Variants in COL4A3 observed in about 807,000 individuals in gnomAD.
COL4A3 encodes collagen type IV alpha 3 chain.
COL4A3 carries 135 observed loss-of-function variants against 217.4 expected under a neutral mutation model. The ratio of observed to expected loss-of-function variants is 0.62; its 90% CI spans 0.54 to 0.72. The LOEUF is 0.72. COL4A3 is among the 30% of genes least tolerant of loss of function. COL4A3 has a pLI of 0.00. For synonymous variants in COL4A3, 690 were observed against 736.3 expected (o/e 0.94, Z 1.02); for missense variants, 1,868 against 2,119.9 (o/e 0.88, Z 2.33).
intron 32 of COL4A3, among the ~76,000 whole-genome samples, chr2:227,283,515 G>T (rs1054799552): frequency 6.6e-6 from 1 of 152,190 alleles, no homozygotes; most frequent in African/African-American, 2.4e-5. Flanking sequence ...AGGATGGAAT[G>T]CTCCAAAACT....
chr2:227,287,952 A>T (rs1415722753), intron 34 of COL4A3, among the ~76,000 whole-genome samples: 1 of 152,264 alleles, frequency 6.6e-6, no homozygotes, highest in East Asian at 1.9e-4. Context: ...ATGTGAATGA[A>T]TAAGTACATA....
At chr2:227,202,944 T>C (rs796559596) in intron 1 of COL4A3, among the ~76,000 whole-genome samples, 453 of 34,030 alleles carry the variant, frequency 0.013, 113 homozygotes, top group East Asian at 0.04. Flanking sequence ...TGTATATATG[T>C]GTATATATAC....
chr2:227,172,477 G>A (rs1261136851), intron 1 of COL4A3, among the ~76,000 whole-genome samples: 1 of 151,964 alleles, frequency 6.6e-6, no homozygotes, highest in Non-Finnish European at 1.5e-5. Flanking sequence ...CAGAGAGAGA[G>A]CTACTGCTCT....
intron 51 of COL4A3, among the ~76,000 whole-genome samples, chr2:227,311,568 T>C (rs770688111): frequency 4.6e-5 from 7 of 151,990 alleles, no homozygotes; most frequent in Admixed American, 6.6e-5. Context: ...TTAGTAGAGA[T>C]TGGGTTTCAC....
rs907809726 is a variant in COL4A3, at chr2:227,290,626, G to A, written c.3071-121G>A. On this transcript the variant is annotated intron_variant, in intron 36 of 51. Transcript: ENST00000396578. Reference sequence around the variant, plus strand: ...TAATAATCATCTATTGTAACTACCTGATGCAGTTGCAATTCTGAAAAAGCC... The same window carrying A: ...TAATAATCATCTATTGTAACTACCTAATGCAGTTGCAATTCTGAAAAAGCC... 22 of 798,976 alleles carry A rather than the reference G, an allele frequency of 2.8e-5. No homozygotes were observed. The African/African-American group carries it at 3.6e-4, about 13-fold the overall frequency. The allele number at this position is 798,976 out of a possible 1,614,324, so 49.5% of individuals were successfully genotyped here.
intron 1 of COL4A3, among the ~76,000 whole-genome samples, chr2:227,166,743 T>C (rs1365071213): frequency 6.6e-6 from 1 of 152,192 alleles, no homozygotes; most frequent in Non-Finnish European, 1.5e-5. Context: ...AGAGAAAATA[T>C]GCCAGTAAAA....
chr2:227,302,640 G>A (rs1240613203), intron 43 of COL4A3, among the ~76,000 whole-genome samples: 1 of 126,054 alleles, frequency 7.9e-6, no homozygotes, highest in African/African-American at 3.2e-5. Flanking sequence ...TCATGCCACT[G>A]CACTCCAGTC....
intron 1 of COL4A3, among the ~76,000 whole-genome samples, chr2:227,182,749 T>C (rs1441886883): frequency 6.6e-6 from 1 of 152,176 alleles, no homozygotes; most frequent in Non-Finnish European, 1.5e-5. Flanking sequence ...CCACAATTAT[T>C]GGGGAAAAAT....
At chr2:227,216,458 T>C (rs1346700332) in intron 1 of COL4A3, among the ~76,000 whole-genome samples, 2 of 152,176 alleles carry the variant, frequency 1.3e-5, no homozygotes, top group South Asian at 2.1e-4. Flanking sequence ...AATTTATAAG[T>C]AATTCAATCG....
rs142835184 is a variant in COL4A3 at position 227,193,935 on chromosome 2, TAAG to T, written c.87+29123_87+29125del. Among the ~76,000 whole-genome samples, 123 of 3,310 alleles carry T rather than the reference TAAG, an allele frequency of 0.037. 58 individuals carry two copies. The East Asian group carries it at 0.89, about 24-fold the overall frequency. 2.2% of individuals were successfully genotyped at this position (3,310 alleles called of 152,430 possible). ...AAGGAGAGGAGAAGGAGAAGGGAAA[TAAG>T]GAGAGAGGGAGGGAGGAAGGAAGGA... On this transcript the variant is annotated intron_variant, in intron 1 of 51. Coordinates refer to ENST00000396578, the MANE Select transcript of COL4A3 (RefSeq NM_000091.5).
intron 18 of COL4A3, 32 bp from the exon 19 acceptor site, chr2:227,259,761 C>T: frequency 6.8e-7 from 1 of 1,472,790 alleles, no homozygotes; most frequent in Non-Finnish European, 9.5e-7. Flanking sequence ...AATAGCTATC[C>T]TTTCTCTGTA....
chr2:227,274,533 C>G (rs868611989), intron 26 of COL4A3, among the ~76,000 whole-genome samples: 37 of 150,016 alleles, frequency 2.5e-4, no homozygotes, highest in African/African-American at 8.8e-4. Flanking sequence ...GAATCTTGCT[C>G]TGTCGCCCAG....
At chr2:227,179,128 T>C (rs2065788459) in intron 1 of COL4A3, among the ~76,000 whole-genome samples, 1 of 151,946 alleles carries the variant, frequency 6.6e-6, no homozygotes, top group Non-Finnish European at 1.5e-5. Context: ...ATTTTTGTAT[T>C]TTTTGTAGAC....
intron 1 of COL4A3, among the ~76,000 whole-genome samples, chr2:227,225,709 C>CTTTTTTTTTT (rs71829862): frequency 1.0e-4 from 13 of 126,240 alleles, no homozygotes; most frequent in Non-Finnish European, 1.6e-4. Flanking sequence ...CTTTTTCTTT[C>CTTTTTTTTTT]TTTTTTTTTT....
intron 34 of COL4A3, among the ~76,000 whole-genome samples, chr2:227,285,579 C>T (rs994474224): frequency 2.6e-5 from 4 of 151,886 alleles, no homozygotes; most frequent in Non-Finnish European, 5.9e-5. Context: ...ATAGACACCA[C>T]TTCACTAGAC....
chr2:227,168,092 TTATA>T (rs1392219681), intron 1 of COL4A3, among the ~76,000 whole-genome samples: 1 of 152,246 alleles, frequency 6.6e-6, no homozygotes, highest in East Asian at 1.9e-4. Flanking sequence ...TAGTATCTAG[TTATA>T]TAAAGTATGA....
Position 227,263,816 on chromosome 2 carries a change from G to T in COL4A3, c.1187G>T (p.Trp396Leu). Residue 396 changes from tryptophan (W) to leucine (L), a missense_variant, in exon 21 of 52, where the codon TGG (tryptophan) becomes TTG (leucine). By Grantham distance (61) the Trp-to-Leu change is moderately conservative. Around this residue, in one of 2 missense-constraint regions of COL4A3, gnomAD observed 1,503 missense variants for 1,786.1 expected, o/e 0.84. Coordinates refer to ENST00000396578, the MANE Select transcript of COL4A3 (RefSeq NM_000091.5). ...SRPGLRGAPG[W>L]PGLKGSKGER... ...CCTGGCCTCAGAGGAGCCCCTGGAT[G>T]GCCAGGCCTGAAAGGAAGTAAAGGG... The T allele has an allele frequency of 3.1e-6, 5 of 1,614,068 alleles. No homozygotes were observed. Among genetic ancestry groups the T allele is most frequent in the Non-Finnish European group, 4.2e-6 (5 of 1,179,928 alleles).
At chr2:227,206,234 C>T (rs571780077) in intron 1 of COL4A3, among the ~76,000 whole-genome samples, 49 of 152,190 alleles carry the variant, frequency 3.2e-4, no homozygotes, top group African/African-American at 5.8e-4. Context: ...CCACCACACC[C>T]GGCTAATTTT....
In COL4A3 at chr2:227,311,960, C is replaced by T; in HGVS notation, c.*90C>T. 6.4e-7 allele frequency: 1 copy of T among 1,562,692 alleles called. No individual in the cohort carries two copies. Among genetic ancestry groups the T allele is most frequent in the Non-Finnish European group, 8.7e-7 (1 of 1,150,438 alleles). On this transcript the variant is annotated 3_prime_UTR_variant, in exon 52 of 52. Coordinates refer to ENST00000396578, the MANE Select transcript of COL4A3 (RefSeq NM_000091.5). ...TGTTATTTAGGTATTTTTCTTTAACCAAACAATATTGCTCCATGATGACTT... is the reference window on the plus strand; with the variant it reads ...TGTTATTTAGGTATTTTTCTTTAACTAAACAATATTGCTCCATGATGACTT...
Sources: allele counts gnomAD v4.1 joint callset (sites outside exome capture counted in the v4.1 genomes callset), GRCh38; gene constraint gnomAD v4.1.1; regional missense constraint gnomAD v4.1.1; transcripts MANE v1.5; gene names NCBI Gene and HGNC (gene_info 2026-07-23, HGNC 2026-07-21).